The following GRM1 variants were observed in gnomAD, a reference collection of about 807,000 sequenced individuals.
GRM1 encodes metabotropic glutamate receptor 1.
GRM1 carries 33 observed loss-of-function variants against 90.9 expected under a neutral mutation model. The ratio of observed to expected loss-of-function variants is 0.36; its 90% CI spans 0.28 to 0.49. GRM1 has a LOEUF of 0.49. Ranked by LOEUF, GRM1 falls within the 20% of genes least tolerant of loss-of-function variation. The probability of loss-of-function intolerance (pLI) is 0.99; values close to 1 mark genes in which losing one functional copy is unlikely to be tolerated. For missense variants in GRM1, 1,190 were observed against 1,534.3 expected, an observed-to-expected ratio of 0.78 and a Z score of 3.75; for synonymous variants, 700 against 613.2, an observed-to-expected ratio of 1.14 and a Z score of -2.09.
intron 1 of GRM1, among the ~76,000 whole-genome samples, chr6:146,045,967 C>T (rs772945005): frequency 3.3e-5 from 5 of 151,818 alleles, no homozygotes; most frequent in Admixed American, 6.6e-5. Flanking sequence ...TACACTTTAG[C>T]GCCCGTGGGC....
intron 3 of GRM1, among the ~76,000 whole-genome samples, 155 bp from the exon 4 acceptor site, chr6:146,352,095 C>T (rs1455680908): frequency 6.6e-6 from 1 of 152,164 alleles, no homozygotes; most frequent in African/African-American, 2.4e-5. Flanking sequence ...TAGAGCTAGC[C>T]ACAAGTACAA....
At chr6:146,224,893 T>C (rs1780187284) in intron 2 of GRM1, among the ~76,000 whole-genome samples, 3 of 152,146 alleles carry the variant, frequency 2.0e-5, no homozygotes, top group Non-Finnish European at 1.5e-5. Flanking sequence ...ATCAATCCTC[T>C]GTAAAGCTAC....
At chr6:146,368,751 A>C (rs1379594650) in intron 5 of GRM1, among the ~76,000 whole-genome samples, 1 of 152,046 alleles carries the variant, frequency 6.6e-6, no homozygotes, top group Non-Finnish European at 1.5e-5. Context: ...TTGGTTTGCC[A>C]GTATTTTGTT....
intron 2 of GRM1, among the ~76,000 whole-genome samples, chr6:146,225,618 A>G (rs1780212581): frequency 6.6e-6 from 1 of 152,186 alleles, no homozygotes; most frequent in Non-Finnish European, 1.5e-5. Context: ...TATAGTAGCC[A>G]TTAATATTCT....
At chr6:146,217,406 C>T (rs1374772534) in intron 2 of GRM1, among the ~76,000 whole-genome samples, 3 of 152,012 alleles carry the variant, frequency 2.0e-5, no homozygotes, top group Non-Finnish European at 2.9e-5. Flanking sequence ...TTTTATTTAC[C>T]GATAAAAATC....
chr6:146,384,956 A>G (rs1322613117), intron 5 of GRM1, among the ~76,000 whole-genome samples: 1 of 152,046 alleles, frequency 6.6e-6, no homozygotes, highest in African/African-American at 2.4e-5. Context: ...TGAGGCACAA[A>G]GAGAAAAAAT....
chr6:146,282,746 T>C (rs1212542539), intron 2 of GRM1, among the ~76,000 whole-genome samples: 1 of 151,948 alleles, frequency 6.6e-6, no homozygotes. Context: ...CTAGAAAAAA[T>C]GTAATAAAAA....
In GRM1 at chr6:146,436,336, A is replaced by G. The variant is rs901158022; in HGVS notation, c.*1540A>G. ...TAATGAAGTGGTTTGAAAATTTGTT[A>G]TATTAAAAGTGCACAAAAACTGAGA... On this transcript the variant is annotated 3_prime_UTR_variant, in exon 8 of 8. Transcript: ENST00000282753. 2 of 152,178 alleles carry G rather than the reference A, an allele frequency of 1.3e-5. No individual in the cohort carries two copies. The highest frequency in any genetic ancestry group is 4.8e-5 in the African/African-American group (2 of 41,452). 9.4% of individuals were successfully genotyped at this position (152,178 alleles called of 1,614,324 possible).
At chr6:146,216,517 T>C (rs1438931840) in intron 2 of GRM1, among the ~76,000 whole-genome samples, 1 of 152,208 alleles carries the variant, frequency 6.6e-6, no homozygotes, top group Non-Finnish European at 1.5e-5. Flanking sequence ...TGTTAACAGC[T>C]TGACCTGAAG....
At chr6:146,223,845 C>T (rs1167867819) in intron 2 of GRM1, among the ~76,000 whole-genome samples, 3 of 152,016 alleles carry the variant, frequency 2.0e-5, no homozygotes, top group Non-Finnish European at 4.4e-5. Context: ...CATTATAACT[C>T]GTGTCCCATC....
At chr6:146,252,448 G>A (rs1356626487) in intron 2 of GRM1, among the ~76,000 whole-genome samples, 2 of 151,986 alleles carry the variant, frequency 1.3e-5, no homozygotes, top group African/African-American at 4.8e-5. Context: ...GACCAGCCTG[G>A]CCAACATGGT....
At chr6:146,324,751 C>T (rs1280312284) in intron 3 of GRM1, among the ~76,000 whole-genome samples, 1 of 152,166 alleles carries the variant, frequency 6.6e-6, no homozygotes, top group Non-Finnish European at 1.5e-5. Context: ...CCGTGGGCTG[C>T]ACCCCCTGTC....
Position 146,434,258 on chromosome 6 carries a change from C to T in GRM1, c.3047C>T (p.Pro1016Leu). The T allele has an allele frequency of 6.2e-7, 1 of 1,600,408 alleles. No individual in the cohort carries two copies. Among genetic ancestry groups the T allele is most frequent in the Non-Finnish European group, 8.5e-7 (1 of 1,171,494 alleles). ...GCCCTCCCCAAGGGCTTGCCCCCTCCTCTCCAGCAGCAGCAGCAACCCCCT... is the reference window on the plus strand; with the variant it reads ...GCCCTCCCCAAGGGCTTGCCCCCTCTTCTCCAGCAGCAGCAGCAACCCCCT... The part of the protein sequence containing the change: ...EPALPKGLPP[P>L]LQQQQQPPPQ... The change falls in exon 8 of 8, where the codon CCT (proline) becomes CTT (leucine). Residue 1016 changes from proline to leucine, a missense_variant. Pro to Leu is a moderately conservative substitution (Grantham distance 98, BLOSUM62 -3). This residue lies in a region of GRM1 where 400 missense variants were observed against 360.8 expected (regional missense o/e 1.11). Transcript: ENST00000282753.
intron 3 of GRM1, among the ~76,000 whole-genome samples, chr6:146,316,668 A>C (rs1029184507): frequency 6.6e-6 from 1 of 151,854 alleles, no homozygotes; most frequent in Non-Finnish European, 1.5e-5. Flanking sequence ...TCTTGCATCC[A>C]CTCTCAGGGA....
intron 2 of GRM1, among the ~76,000 whole-genome samples, chr6:146,291,724 A>G (rs1782991979): frequency 6.6e-6 from 1 of 152,024 alleles, no homozygotes; most frequent in African/African-American, 2.4e-5. Context: ...AATATTACTA[A>G]TATGATAAAA....
chr6:146,383,007 A>G (rs1038911701), intron 5 of GRM1, among the ~76,000 whole-genome samples: 3 of 152,142 alleles, frequency 2.0e-5, no homozygotes, highest in Non-Finnish European at 4.4e-5. Context: ...GAGGGAGCAT[A>G]ATTTCAGTGT....
At chr6:146,208,951 C>G (rs754075202) in intron 2 of GRM1, among the ~76,000 whole-genome samples, 2 of 152,030 alleles carry the variant, frequency 1.3e-5, no homozygotes, top group African/African-American at 2.4e-5. Flanking sequence ...AAAATGTCAT[C>G]TATGAGTAAA....
chr6:146,272,317 G>A (rs1256043132), intron 2 of GRM1, among the ~76,000 whole-genome samples: 1 of 152,080 alleles, frequency 6.6e-6, no homozygotes, highest in Non-Finnish European at 1.5e-5. Flanking sequence ...TTATCATATA[G>A]GTTTCAAATC....
intron 1 of GRM1, among the ~76,000 whole-genome samples, chr6:146,076,898 C>T (rs1422251092): frequency 2.0e-5 from 3 of 152,068 alleles, no homozygotes; most frequent in African/African-American, 7.2e-5. Flanking sequence ...CGTATACCCT[C>T]CGTGGGAACT....
Sources: allele counts gnomAD v4.1 joint callset (sites outside exome capture counted in the v4.1 genomes callset), GRCh38; gene constraint gnomAD v4.1.1; regional missense constraint gnomAD v4.1.1; transcripts MANE v1.5; gene names NCBI Gene and HGNC (gene_info 2026-07-23, HGNC 2026-07-21).